The following PACRG variants were observed in gnomAD, a reference collection of about 807,000 sequenced individuals.
The protein encoded by PACRG is parkin coregulated.
In PACRG, 29 loss-of-function variants were observed where a neutral mutation model predicts 29.7. The observed-to-expected ratio is 0.98, with a 90% confidence interval of 0.73 to 1.33. PACRG has a LOEUF of 1.33. PACRG is among the 40% of genes most tolerant of loss of function. PACRG has a pLI of 0.00. For missense variants in PACRG, 279 were observed against 316.2 expected, an observed-to-expected ratio of 0.88 and a Z score of 0.89; for synonymous variants, 116 against 118.7, an observed-to-expected ratio of 0.98 and a Z score of 0.15.
At chr6:163,119,480 A>T (rs1816168076) in intron 4 of PACRG, among the ~76,000 whole-genome samples, 2 of 152,202 alleles carry the variant, frequency 1.3e-5, no homozygotes, top group Admixed American at 1.3e-4. Context: ...GCTCTAAGCA[A>T]ACTGTCTTTG....
chr6:162,896,476 G>T (rs1328638569), intron 2 of PACRG, among the ~76,000 whole-genome samples: 1 of 152,228 alleles, frequency 6.6e-6, no homozygotes, highest in Non-Finnish European at 1.5e-5. Context: ...ACCCACGAGG[G>T]TGGTAGAGGA....
chr6:163,173,101 G>C (rs1388546335), intron 4 of PACRG, among the ~76,000 whole-genome samples: 1 of 152,234 alleles, frequency 6.6e-6, no homozygotes, highest in Non-Finnish European at 1.5e-5. Flanking sequence ...ATATGTGCTT[G>C]TGTGAATACA....
At chr6:163,134,356 A>G (rs1026813823) in intron 4 of PACRG, among the ~76,000 whole-genome samples, 2 of 152,186 alleles carry the variant, frequency 1.3e-5, no homozygotes, top group African/African-American at 4.8e-5. Flanking sequence ...GAGATGTCAC[A>G]CATTTACCTT....
chr6:162,865,746 G>A (rs188178491), intron 2 of PACRG, among the ~76,000 whole-genome samples: 10 of 152,104 alleles, frequency 6.6e-5, no homozygotes, highest in African/African-American at 9.6e-5. Flanking sequence ...AGAAAGGCTC[G>A]AATTAACTGG....
intron 4 of PACRG, among the ~76,000 whole-genome samples, chr6:163,269,967 G>GAAAACAAAC (rs371798487): frequency 3.6e-5 from 2 of 56,118 alleles, no homozygotes; most frequent in African/African-American, 1.4e-4. Context: ...AAGAAAGAAA[G>GAAAACAAAC]AAAGAAAGAA....
At chr6:163,230,557 T>G (rs1781981937) in intron 4 of PACRG, among the ~76,000 whole-genome samples, 1 of 152,200 alleles carries the variant, frequency 6.6e-6, no homozygotes, top group African/African-American at 2.4e-5. Flanking sequence ...GACATTAAAT[T>G]TCATGCCATC....
chr6:163,130,336 T>C (rs1177773854), intron 4 of PACRG, among the ~76,000 whole-genome samples: 1 of 152,230 alleles, frequency 6.6e-6, no homozygotes, highest in African/African-American at 2.4e-5. Context: ...TGGTCTTCTA[T>C]GCCCAACGTC....
At chr6:162,915,265 AAAT>A (rs1435502110) in intron 2 of PACRG, among the ~76,000 whole-genome samples, 1 of 152,070 alleles carries the variant, frequency 6.6e-6, no homozygotes, top group African/African-American at 2.4e-5. Flanking sequence ...GCCAATATTA[AAAT>A]AATCTTTTTT....
At chr6:163,121,021 A>T (rs1047466608) in intron 4 of PACRG, among the ~76,000 whole-genome samples, 2 of 152,218 alleles carry the variant, frequency 1.3e-5, no homozygotes, top group Non-Finnish European at 2.9e-5. Context: ...GAGCTAATAG[A>T]TATACTCTTC....
chr6:162,778,226 A>C (rs1461521724), intron 1 of PACRG, among the ~76,000 whole-genome samples: 1 of 152,074 alleles, frequency 6.6e-6, no homozygotes, highest in Non-Finnish European at 1.5e-5. Context: ...GTTGGTTCTG[A>C]CTCAGTGGCA....
intron 2 of PACRG, among the ~76,000 whole-genome samples, chr6:163,008,152 T>C (rs1442379882): frequency 1.3e-5 from 2 of 152,082 alleles, no homozygotes; most frequent in African/African-American, 4.8e-5. Flanking sequence ...AGAGTCCAAG[T>C]TTTTCCATAG....
chr6:162,955,276 TTTGTTG>T (rs143480282), intron 2 of PACRG, among the ~76,000 whole-genome samples: 1 of 151,814 alleles, frequency 6.6e-6, no homozygotes, highest in South Asian at 2.1e-4. Context: ...GAAATCTATT[TTTGTTG>T]TTGTTGTTGT....
At chr6:162,894,545 G>A (rs1337825511) in intron 2 of PACRG, among the ~76,000 whole-genome samples, 2 of 152,164 alleles carry the variant, frequency 1.3e-5, no homozygotes, top group East Asian at 1.9e-4. Context: ...AGCTCTATTT[G>A]GGTGCACGCC....
At chr6:163,300,301 G>C (rs1017807331) in intron 4 of PACRG, among the ~76,000 whole-genome samples, 4 of 152,240 alleles carry the variant, frequency 2.6e-5, no homozygotes, top group Non-Finnish European at 5.9e-5. Flanking sequence ...CAGGGCAGGA[G>C]CTCTGATGTC....
chr6:163,029,582 CAGT>C (rs1467344984), intron 2 of PACRG, among the ~76,000 whole-genome samples: 4 of 152,336 alleles, frequency 2.6e-5, no homozygotes, highest in African/African-American at 9.6e-5. Context: ...ACTTTCAACT[CAGT>C]GGTGGAAAGG....
At chr6:162,744,526 C>G (rs1780840458) in intron 1 of PACRG, among the ~76,000 whole-genome samples, 1 of 152,088 alleles carries the variant, frequency 6.6e-6, no homozygotes, top group Admixed American at 6.6e-5. Flanking sequence ...GCACAGGAGA[C>G]CAAGGCTGCA....
intron 1 of PACRG, among the ~76,000 whole-genome samples, chr6:162,753,734 C>A (rs951338012): frequency 1.3e-5 from 2 of 151,560 alleles, no homozygotes; most frequent in African/African-American, 4.8e-5. Context: ...TTTTTTCACT[C>A]TCTCTCTCTC....
In PACRG at chr6:162,984,873, T is replaced by C. The variant is rs550965546; in HGVS notation, c.292-77277T>C. Among the ~76,000 whole-genome samples, 8 of 151,586 alleles carry C rather than the reference T, an allele frequency of 5.3e-5. No homozygotes were observed. In the South Asian group the frequency reaches 1.7e-3, roughly 31 times the overall value. ...GATGCGATTGGTTTTTTTTTTTTCT[T>C]GCTGATTTGTTTGAGTTGTGGATTC... On this transcript the variant is annotated intron_variant, in intron 2 of 4. Transcript: ENST00000366888.
intron 2 of PACRG, among the ~76,000 whole-genome samples, chr6:162,835,614 G>C (rs1223428841): frequency 6.6e-6 from 1 of 152,006 alleles, no homozygotes. Context: ...CATGCATCTC[G>C]ACAATGAAAA....
Sources: gnomAD v4.1 joint callset for allele counts (sites outside exome capture counted in the v4.1 genomes callset) on GRCh38, gnomAD v4.1.1 for gene constraint, MANE v1.5 for transcripts, NCBI Gene and HGNC (gene_info 2026-07-23, HGNC 2026-07-21) for gene names.